PPFIA2: variants seen among roughly 807,000 people sequenced by gnomAD.
PPFIA2 encodes liprin-alpha-2.
PPFIA2 carries 46 observed loss-of-function variants against 175.5 expected under a neutral mutation model. The observed-to-expected ratio is 0.26, with a 90% CI of 0.21 to 0.34. The LOEUF (loss-of-function observed/expected upper bound fraction) is 0.34, where lower values mean the gene tolerates loss of function less well. Among genes scored for constraint, PPFIA2 ranks in the 10% least tolerant of loss-of-function variants. The pLI is 1.00. For synonymous variants in PPFIA2, 568 were observed against 511.4 expected, an observed-to-expected ratio of 1.11 and a Z score of -1.49; for missense variants, 1,179 against 1,506.1, an observed-to-expected ratio of 0.78 and a Z score of 3.60.
At chr12:81,294,743 G>T in intron 24 of PPFIA2, 92 bp downstream of exon 24, 1 of 1,170,526 alleles carries the variant, frequency 8.5e-7, no homozygotes, top group Non-Finnish European at 1.2e-6. Flanking sequence ...AGCTGACATT[G>T]AAATGTGTGC....
chr12:81,309,637 C>A (rs889697646), intron 22 of PPFIA2, among the ~76,000 whole-genome samples: 1 of 151,864 alleles, frequency 6.6e-6, no homozygotes, highest in Admixed American at 6.6e-5. Context: ...TATTCAGATT[C>A]CAGTAAAACA....
intron 22 of PPFIA2, among the ~76,000 whole-genome samples, chr12:81,314,655 T>C (rs541028495): frequency 2.1e-4 from 32 of 152,056 alleles, no homozygotes; most frequent in Non-Finnish European, 5.9e-5. Flanking sequence ...TCTCCTACAA[T>C]TGAATGAACC....
rs34001844 is a variant in PPFIA2, at chr12:81,698,653, T to G, written c.250-21809A>C. 6.9e-3 allele frequency among the ~76,000 whole-genome samples: 1,052 copies of G among 152,254 alleles called. 19 individuals carry two copies. The highest frequency in any genetic ancestry group is 0.024 in the African/African-American group (997 of 41,558). On this transcript the variant is annotated intron_variant, in intron 3 of 32. Coordinates refer to ENST00000549396, the MANE Select transcript of PPFIA2 (RefSeq NM_003625.5). ...TTATCATTTGAAGTAAACCCTTTGT[T>G]GCAAATGAGTTTGCATATATTTTGG...
chr12:81,748,823 G>A (rs1309921069), intron 3 of PPFIA2, among the ~76,000 whole-genome samples: 1 of 144,248 alleles, frequency 6.9e-6, no homozygotes, highest in Non-Finnish European at 1.6e-5. Context: ...TTTTCTTCAT[G>A]ATCTGGTCAT....
chr12:81,336,824 G>A (rs1295421948), intron 21 of PPFIA2, among the ~76,000 whole-genome samples: 1 of 152,056 alleles, frequency 6.6e-6, no homozygotes, highest in Non-Finnish European at 1.5e-5. Context: ...TATTTTTACT[G>A]GTAGAAGAAA....
intron 4 of PPFIA2, among the ~76,000 whole-genome samples, chr12:81,670,750 C>T (rs1424387206): frequency 6.6e-6 from 1 of 151,892 alleles, no homozygotes; most frequent in Non-Finnish European, 1.5e-5. Flanking sequence ...TTGTTAAATA[C>T]AATGAACATA....
At chr12:81,645,737 G>T (rs2065969531) in intron 4 of PPFIA2, among the ~76,000 whole-genome samples, 1 of 152,218 alleles carries the variant, frequency 6.6e-6, no homozygotes, top group African/African-American at 2.4e-5. Context: ...CCATAAAAGT[G>T]GGTAGTAGGG....
chr12:81,598,086 A>AGCT, intron 4 of PPFIA2: 1 of 1,533,522 alleles, frequency 6.5e-7, no homozygotes, highest in Non-Finnish European at 8.7e-7. Flanking sequence ...CAGAGCAGAG[A>AGCT]GCTTAGCGTA....
At chr12:81,582,749 T>C (rs2074604382) in intron 4 of PPFIA2, among the ~76,000 whole-genome samples, 1 of 151,872 alleles carries the variant, frequency 6.6e-6, no homozygotes, top group South Asian at 2.1e-4. Flanking sequence ...AATCTTCAAA[T>C]TTGTATTACC....
intron 19 of PPFIA2, among the ~76,000 whole-genome samples, chr12:81,342,462 C>G (rs1387751867): frequency 1.3e-5 from 2 of 152,058 alleles, no homozygotes; most frequent in East Asian, 3.9e-4. Context: ...TAATAAAGAC[C>G]TTGTAACTTT....
chr12:81,615,206 C>A (rs1348866826), intron 4 of PPFIA2, among the ~76,000 whole-genome samples: 1 of 152,084 alleles, frequency 6.6e-6, no homozygotes, highest in African/African-American at 2.4e-5. Context: ...GCAGCTGCTC[C>A]CGTTTTTGGC....
intron 25 of PPFIA2, among the ~76,000 whole-genome samples, chr12:81,283,955 T>C (rs1324584587): frequency 6.6e-6 from 1 of 152,170 alleles, no homozygotes; most frequent in East Asian, 1.9e-4. Context: ...ACTAAATATT[T>C]GTTACAAAAA....
chr12:81,582,725 A>G (rs2074597864), intron 4 of PPFIA2, among the ~76,000 whole-genome samples: 2 of 151,868 alleles, frequency 1.3e-5, no homozygotes, highest in South Asian at 4.1e-4. Flanking sequence ...ACAATATTTT[A>G]CAAGGTAAAA....
rs112942397 is a variant in PPFIA2 at position 81,525,405 on chromosome 12, C to T, written c.304-67539G>A. 6.1e-3 allele frequency among the ~76,000 whole-genome samples: 927 copies of T among 152,102 alleles called. 10 individuals carry two copies. The highest frequency in any genetic ancestry group is 0.021 in the African/African-American group (881 of 41,502). ...TGAGGTTGACTAAACCAGGTAAAAG[C>T]TCTTTTGAAAAAAGATATGAAGCAC... On this transcript the variant is annotated intron_variant, in intron 4 of 32. Coordinates refer to ENST00000549396, the MANE Select transcript of PPFIA2 (RefSeq NM_003625.5).
At chr12:81,710,973 C>A (rs376988547) in intron 3 of PPFIA2, among the ~76,000 whole-genome samples, 1 of 151,348 alleles carries the variant, frequency 6.6e-6, no homozygotes, top group Non-Finnish European at 1.5e-5. Context: ...TGCCTCACAC[C>A]TGAAATCCCA....
chr12:81,287,506 T>C (rs1210730557), intron 24 of PPFIA2, among the ~76,000 whole-genome samples: 1 of 151,916 alleles, frequency 6.6e-6, no homozygotes, highest in Non-Finnish European at 1.5e-5. Context: ...GTATGTTAGT[T>C]GTTTCTGTTT....
intron 4 of PPFIA2, among the ~76,000 whole-genome samples, chr12:81,529,706 G>T (rs1186767492): frequency 1.3e-5 from 2 of 151,946 alleles, no homozygotes; most frequent in Non-Finnish European, 2.9e-5. Context: ...GCTAACTCCA[G>T]CTCCTCCGGT....
intron 4 of PPFIA2, among the ~76,000 whole-genome samples, chr12:81,504,000 A>T (rs944842623): frequency 6.6e-6 from 1 of 152,078 alleles, no homozygotes; most frequent in African/African-American, 2.4e-5. Context: ...TTAAAATAAG[A>T]TGATTAAAGT....
chr12:81,331,724 T>C (rs1447916196), intron 21 of PPFIA2, among the ~76,000 whole-genome samples: 3 of 152,206 alleles, frequency 2.0e-5, no homozygotes, highest in Non-Finnish European at 2.9e-5. Flanking sequence ...ATAGTTAACG[T>C]GCTTTTCTGT....
Sources: allele counts gnomAD v4.1 joint callset (sites outside exome capture counted in the v4.1 genomes callset), GRCh38; gene constraint gnomAD v4.1.1; transcripts MANE v1.5; gene names NCBI Gene and HGNC (gene_info 2026-07-23, HGNC 2026-07-21).